The following KMT2E variants were observed in gnomAD, a reference collection of about 807,000 sequenced individuals.
The protein encoded by KMT2E is lysine methyltransferase 2E (inactive), also known as histone reader KMT2E.
A neutral mutation model predicts 184.6 loss-of-function variants in KMT2E; 30 were observed. The ratio of observed to expected loss-of-function variants is 0.16; its 90% CI spans 0.12 to 0.22. The LOEUF (loss-of-function observed/expected upper bound fraction) is 0.22. Ranked by LOEUF, KMT2E falls within the 10% of genes least tolerant of loss-of-function variation. KMT2E has a pLI of 1.00. For missense variants in KMT2E, 2,023 were observed against 2,237.4 expected, an observed-to-expected ratio of 0.90 and a Z score of 1.93; for synonymous variants, 815 against 776.5, an observed-to-expected ratio of 1.05 and a Z score of -0.82.
At chr7:105,075,847 C>G (rs902473744) in intron 8 of KMT2E, among the ~76,000 whole-genome samples, 196 bp from the exon 9 acceptor site, 2 of 152,086 alleles carry the variant, frequency 1.3e-5, no homozygotes, top group Non-Finnish European at 2.9e-5. Context: ...CCACCACTCT[C>G]AACCACATTC....
rs766379040 is a variant in KMT2E, at chr7:105,077,096, A to G, written c.902A>G (p.Gln301Arg). ...AGTGAGGGTGTTCAGAGGGAGGCAC[A>G]AAGAATAGCTCTGAGATTAGGCAAT... is the stretch of plus-strand genomic sequence containing the variant. ...QYSEGVQREA[Q>R]RIALRLGNGN... The change falls in exon 10 of 27, where the codon CAA (glutamine) becomes CGA (arginine). Residue 301 changes from glutamine (Q) to arginine (R), a missense_variant. Physicochemically the swap from Gln to Arg is conservative, Grantham distance 43 (BLOSUM62 1). Transcript: ENST00000311117. 1.2e-6 allele frequency: 2 copies of G among 1,614,062 alleles called. No individual in the cohort carries two copies. Among genetic ancestry groups the G allele is most frequent in the Admixed American group, 3.3e-5 (2 of 60,012 alleles).
At chr7:105,020,248 G>C (rs1246656454) in intron 1 of KMT2E, among the ~76,000 whole-genome samples, 1 of 152,100 alleles carries the variant, frequency 6.6e-6, no homozygotes, top group African/African-American at 2.4e-5. Context: ...TGCCTGTCTA[G>C]CATACGATAG....
In KMT2E at chr7:105,091,237, A is replaced by G. The variant is rs1798192205; in HGVS notation, c.1645A>G (p.Ile549Val). 6 of 1,564,078 alleles carry G rather than the reference A, an allele frequency of 3.8e-6. No homozygotes were observed. The highest frequency in any genetic ancestry group is 5.3e-6 in the Non-Finnish European group (6 of 1,135,772). The part of the protein sequence containing the change: ...NNQEPDFIDD[I>V]EEKTPISNEV... ...TCAGGAACCAGATTTTATTGATGAT[A>G]TAGAAGAAAAAACTCCTATTAGTAA... The change falls in exon 15 of 27, where the codon ATA (isoleucine) becomes GTA (valine). Residue 549 changes from isoleucine to valine, a missense_variant. By Grantham distance (29) the Ile-to-Val change is conservative. Transcript: ENST00000311117.
At position 105,037,841 on chromosome 7, in the gene KMT2E, ATAT is replaced by A. The variant is rs199581820; in HGVS notation, c.-188-283_-188-281del. ...GTTGCCTTTGCTAAATCTGTTTTTA[ATAT>A]TGTATTAAAATTTATTTTTCAGTTA... is the stretch of plus-strand genomic sequence containing the variant. On this transcript the variant is annotated intron_variant, in intron 1 of 26. Transcript: ENST00000311117. Among the ~76,000 whole-genome samples the A allele has an allele frequency of 3.1e-3, 455 of 145,586 alleles. 15 individuals are homozygous for A. The East Asian group carries it at 0.066, about 21-fold the overall frequency.
At chr7:105,018,960 C>G (rs1794831409) in intron 1 of KMT2E, among the ~76,000 whole-genome samples, 1 of 151,884 alleles carries the variant, frequency 6.6e-6, no homozygotes, top group Non-Finnish European at 1.5e-5. Flanking sequence ...ATAAAATAAA[C>G]AGTATTTTAC....
At chr7:105,082,074 G>A (rs1230084268) in intron 13 of KMT2E, among the ~76,000 whole-genome samples, 1 of 152,122 alleles carries the variant, frequency 6.6e-6, no homozygotes, top group Non-Finnish European at 1.5e-5. Flanking sequence ...CCTTGTTTAT[G>A]TGAGAATTTT....
intron 6 of KMT2E, among the ~76,000 whole-genome samples, chr7:105,068,094 T>C (rs1035179310): frequency 1.3e-5 from 2 of 152,100 alleles, no homozygotes; most frequent in Non-Finnish European, 2.9e-5. Context: ...TACTCCTCCC[T>C]CCCTACCATC....
intron 1 of KMT2E, among the ~76,000 whole-genome samples, chr7:105,032,207 G>T (rs1170991595): frequency 1.3e-5 from 2 of 152,034 alleles, no homozygotes. Flanking sequence ...ATTTTGGAAG[G>T]TTGAGGCAGG....
intron 6 of KMT2E, among the ~76,000 whole-genome samples, chr7:105,070,768 G>T (rs1309422716): frequency 6.6e-6 from 1 of 151,264 alleles, no homozygotes; most frequent in Non-Finnish European, 1.5e-5. Context: ...AGTTATGATT[G>T]TGCCACTGCA....
intron 19 of KMT2E, 35 bp downstream of exon 19, chr7:105,106,038 A>C: frequency 6.3e-7 from 1 of 1,588,006 alleles, no homozygotes; most frequent in Non-Finnish European, 8.6e-7. Flanking sequence ...GGTTTGAGAA[A>C]TGTGGCAGGG....
At position 105,113,502 on chromosome 7, in the gene KMT2E, A is replaced by T; in HGVS notation, c.*169A>T. 1 of 739,058 alleles carries T rather than the reference A, an allele frequency of 1.4e-6. No individual in the cohort carries two copies. The highest frequency in any genetic ancestry group is 2.1e-6 in the Non-Finnish European group (1 of 482,710). 45.8% of individuals were successfully genotyped at this position (739,058 alleles called of 1,614,324 possible). On this transcript the variant is annotated 3_prime_UTR_variant, in exon 27 of 27. Coordinates refer to ENST00000311117, the MANE Select transcript of KMT2E (RefSeq NM_182931.3). ...TTGCTTTTTAAAATTCCTTTAAAAAATGTGCTGTTAAGCCAGTATTAGGTA... is the reference window on the plus strand; with the variant it reads ...TTGCTTTTTAAAATTCCTTTAAAAATTGTGCTGTTAAGCCAGTATTAGGTA...
At chr7:105,034,695 A>G (rs1795559174) in intron 1 of KMT2E, among the ~76,000 whole-genome samples, 1 of 151,988 alleles carries the variant, frequency 6.6e-6, no homozygotes, top group Non-Finnish European at 1.5e-5. Flanking sequence ...TTTTATCACC[A>G]CAAGGATCCT....
chr7:105,072,556 TG>T (rs771683161), intron 6 of KMT2E, among the ~76,000 whole-genome samples: 8 of 152,038 alleles, frequency 5.3e-5, no homozygotes, highest in Admixed American at 3.9e-4. Flanking sequence ...GTGAAAAAGT[TG>T]GGGGGGAATG....
intron 5 of KMT2E, 98 bp downstream of exon 5, chr7:105,063,678 G>T: frequency 1.3e-6 from 1 of 775,964 alleles, no homozygotes; most frequent in South Asian, 2.0e-5. Context: ...GGGAATTAAT[G>T]GATACATATT....
At chr7:105,020,267 G>A (rs1794895695) in intron 1 of KMT2E, among the ~76,000 whole-genome samples, 1 of 152,174 alleles carries the variant, frequency 6.6e-6, no homozygotes, top group South Asian at 2.1e-4. Context: ...AGTGGATTGA[G>A]TTAGTTTTGG....
intron 23 of KMT2E, 117 bp from the exon 24 acceptor site, chr7:105,110,163 A>G: frequency 1.2e-6 from 1 of 819,284 alleles, no homozygotes; most frequent in South Asian, 1.6e-5. Context: ...GTTAACACCA[A>G]AGTATTTTCC....
At chr7:105,087,679 C>G (rs1394132925) in intron 13 of KMT2E, among the ~76,000 whole-genome samples, 6 of 152,020 alleles carry the variant, frequency 3.9e-5, no homozygotes, top group African/African-American at 1.4e-4. Flanking sequence ...CTGCCTCGGC[C>G]TCCCAAAGTG....
At chr7:105,100,336 C>T (rs1265031965) in intron 15 of KMT2E, among the ~76,000 whole-genome samples, 1 of 152,156 alleles carries the variant, frequency 6.6e-6, no homozygotes, top group Non-Finnish European at 1.5e-5. Flanking sequence ...AGGCTTGAAT[C>T]TCTGCTGGTA....
Position 105,089,994 on chromosome 7 carries a change from T to C in KMT2E, c.1359-15T>C. 6.3e-7 allele frequency: 1 copy of C among 1,591,122 alleles called. No homozygotes were observed. The highest frequency in any genetic ancestry group is 1.2e-5 in the South Asian group (1 of 84,780). On this transcript the variant is annotated splice_polypyrimidine_tract_variant and intron_variant, in intron 13 of 26. Transcript: ENST00000311117. ...TTATATTTTGAAATAAATATTTAAC[T>C]GGTTATCTTTCCAGTAAGTACAAGG...
Sources: gnomAD v4.1 joint callset for allele counts (sites outside exome capture counted in the v4.1 genomes callset) on GRCh38, gnomAD v4.1.1 for gene constraint, MANE v1.5 for transcripts, NCBI Gene and HGNC (gene_info 2026-07-23, HGNC 2026-07-21) for gene names.